NRXN3: variants seen among roughly 807,000 people sequenced by gnomAD.
The protein encoded by NRXN3 is neurexin 3.
In NRXN3, 32 loss-of-function variants were observed where a neutral mutation model predicts 137.6. That is an observed-to-expected ratio of 0.23 (90% CI 0.18 to 0.31). NRXN3 has a LOEUF of 0.31. Ranked by LOEUF, NRXN3 falls within the 10% of genes least tolerant of loss-of-function variation. The pLI is 1.00. For missense variants in NRXN3, 1,574 were observed against 2,062.5 expected, an observed-to-expected ratio of 0.76 and a Z score of 4.59; for synonymous variants, 798 against 784.5, an observed-to-expected ratio of 1.02 and a Z score of -0.29.
chr14:78,256,301 A>G (rs554304358), intron 2 of NRXN3, among the ~76,000 whole-genome samples: 1 of 152,310 alleles, frequency 6.6e-6, no homozygotes, highest in South Asian at 2.1e-4. Flanking sequence ...CTGCCATGCA[A>G]AGGAGGATGA....
intron 1 of NRXN3, among the ~76,000 whole-genome samples, chr14:78,220,340 G>A (rs2063717876): frequency 6.6e-6 from 1 of 152,084 alleles, no homozygotes; most frequent in Admixed American, 6.5e-5. Flanking sequence ...TTTCAAAGGT[G>A]TGCAGAGAGG....
intron 15 of NRXN3, among the ~76,000 whole-genome samples, chr14:79,297,170 C>A (rs2084323082): frequency 6.6e-6 from 1 of 152,222 alleles, no homozygotes; most frequent in East Asian, 1.9e-4. Flanking sequence ...GCCATAGGTT[C>A]TCATAACCTT....
intron 4 of NRXN3, among the ~76,000 whole-genome samples, chr14:78,642,747 C>T (rs761375463): frequency 1.9e-4 from 29 of 152,090 alleles, no homozygotes; most frequent in African/African-American, 4.6e-4. Context: ...TTAACAAAGA[C>T]GATTCTTCAG....
At chr14:78,503,882 A>G (rs1599582335) in intron 4 of NRXN3, among the ~76,000 whole-genome samples, 1 of 152,176 alleles carries the variant, frequency 6.6e-6, no homozygotes, top group South Asian at 2.1e-4. Context: ...GACTTGCGTG[A>G]TAAGTTACAT....
At chr14:78,865,047 G>T (rs1387862540) in intron 10 of NRXN3, among the ~76,000 whole-genome samples, 1 of 152,108 alleles carries the variant, frequency 6.6e-6, no homozygotes, top group Non-Finnish European at 1.5e-5. Flanking sequence ...GTATTTTGGG[G>T]TAGTATGTCC....
chr14:79,748,925 CA>C (rs2098988295), intron 19 of NRXN3, among the ~76,000 whole-genome samples: 1 of 151,594 alleles, frequency 6.6e-6, no homozygotes, highest in Admixed American at 6.6e-5. Flanking sequence ...AAAAGTCAAG[CA>C]GGCTAAATTG....
intron 2 of NRXN3, among the ~76,000 whole-genome samples, chr14:78,258,363 G>T (rs2070034276): frequency 6.6e-6 from 1 of 151,822 alleles, no homozygotes; most frequent in South Asian, 2.1e-4. Context: ...CCGTTATCCT[G>T]CCTTCCTTGC....
chr14:79,340,698 A>G (rs918921269), intron 15 of NRXN3, among the ~76,000 whole-genome samples: 39 of 152,274 alleles, frequency 2.6e-4, no homozygotes, highest in Admixed American at 4.6e-4. Flanking sequence ...TCTCGACCTC[A>G]GGTGATCCGC....
chr14:78,610,906 T>C (rs1431754771), intron 4 of NRXN3, among the ~76,000 whole-genome samples: 2 of 152,324 alleles, frequency 1.3e-5, no homozygotes, highest in Non-Finnish European at 2.9e-5. Context: ...ATATAGATTG[T>C]GTTTTGGAAA....
chr14:79,500,250 A>AAC (rs1555489244), intron 16 of NRXN3, among the ~76,000 whole-genome samples: 26 of 150,344 alleles, frequency 1.7e-4, no homozygotes, highest in African/African-American at 5.9e-4. Context: ...AAAAAAAAAA[A>AAC]AAAAAACCCA....
chr14:79,429,240 C>T (rs2095706609), intron 15 of NRXN3, among the ~76,000 whole-genome samples: 2 of 152,068 alleles, frequency 1.3e-5, no homozygotes, highest in African/African-American at 4.8e-5. Context: ...AGTACCAGTC[C>T]AGACAAATGG....
At chr14:79,648,558 A>G (rs1266773099) in intron 16 of NRXN3, among the ~76,000 whole-genome samples, 1 of 135,850 alleles carries the variant, frequency 7.4e-6, no homozygotes, top group Non-Finnish European at 1.7e-5. Flanking sequence ...CAAGGCAGCT[A>G]ATAAGTAACT....
At chr14:79,815,728 T>G (rs1424908209) in intron 20 of NRXN3, among the ~76,000 whole-genome samples, 1 of 152,150 alleles carries the variant, frequency 6.6e-6, no homozygotes, top group East Asian at 1.9e-4. Context: ...GTGTAAAATA[T>G]TCCCACCATG....
intron 1 of NRXN3, among the ~76,000 whole-genome samples, chr14:78,218,227 C>A (rs1269118441): frequency 6.6e-6 from 1 of 151,984 alleles, no homozygotes; most frequent in East Asian, 1.9e-4. Context: ...CGTGGTGGCG[C>A]ACACCTGTAG....
intron 4 of NRXN3, among the ~76,000 whole-genome samples, chr14:78,578,288 G>A (rs965241580): frequency 3.3e-5 from 5 of 152,054 alleles, no homozygotes; most frequent in African/African-American, 4.8e-5. Flanking sequence ...GAATAGAATC[G>A]GATAAGTTTT....
chr14:79,191,345 A>G lies in NRXN3; in HGVS notation c.3262+203204A>G, dbSNP rs527836183. 1.7e-3 allele frequency among the ~76,000 whole-genome samples: 261 copies of G among 152,320 alleles called. 2 individuals are homozygous for G. The highest frequency in any genetic ancestry group is 5.9e-3 in the African/African-American group (246 of 41,566). On this transcript the variant is annotated intron_variant, in intron 15 of 20. Transcript: ENST00000335750. ...CCTCAGAAATTGATGATAGATGAAG[A>G]CAATTTATGTAGCAGTTCGTCTAAT...
chr14:79,610,625 G>C (rs2098087015), intron 16 of NRXN3, among the ~76,000 whole-genome samples: 1 of 152,102 alleles, frequency 6.6e-6, no homozygotes, highest in African/African-American at 2.4e-5. Flanking sequence ...CATACTTACA[G>C]GTGCTTCATC....
chr14:79,360,863 C>CT (rs1405728337), intron 15 of NRXN3, among the ~76,000 whole-genome samples: 1 of 152,166 alleles, frequency 6.6e-6, no homozygotes, highest in African/African-American at 2.4e-5. Flanking sequence ...GGAGGCATAA[C>CT]TTTTTATGAA....
At chr14:78,717,329 A>G (rs2098438518) in intron 8 of NRXN3, among the ~76,000 whole-genome samples, 1 of 152,224 alleles carries the variant, frequency 6.6e-6, no homozygotes, top group Admixed American at 6.5e-5. Context: ...AGTCATTAAA[A>G]GGCAGCTGAT....
Sources: gnomAD v4.1 joint callset for allele counts (sites outside exome capture counted in the v4.1 genomes callset) on GRCh38, gnomAD v4.1.1 for gene constraint, MANE v1.5 for transcripts, NCBI Gene and HGNC (gene_info 2026-07-23, HGNC 2026-07-21) for gene names.